Variants in HLCS observed in about 807,000 individuals in gnomAD.
HLCS encodes the protein holocarboxylase synthetase.
In HLCS, 53 loss-of-function variants were observed where a neutral mutation model predicts 75.0. That is an observed-to-expected ratio of 0.71 (90% confidence interval 0.57 to 0.89). The LOEUF is 0.89. Among genes scored for constraint, HLCS ranks in the 40% least tolerant of loss-of-function variants. The probability of loss-of-function intolerance (pLI) is 0.00; values close to 1 mark genes in which losing one functional copy is unlikely to be tolerated. For synonymous variants in HLCS, 431 were observed against 428.6 expected (o/e 1.01, Z -0.07); for missense variants, 966 against 1,074.0 (o/e 0.90, Z 1.41).
chr21:36,888,485 T>A (rs951962690), intron 6 of HLCS, among the ~76,000 whole-genome samples: 1 of 124,888 alleles, frequency 8.0e-6, no homozygotes, highest in African/African-American at 3.1e-5. Flanking sequence ...TATATATATA[T>A]ATATATATAT....
At chr21:36,979,490 A>AG (rs896544663) in intron 1 of HLCS, among the ~76,000 whole-genome samples, 12 of 152,142 alleles carry the variant, frequency 7.9e-5, no homozygotes, top group African/African-American at 7.2e-5. Flanking sequence ...AGTCTCCTAT[A>AG]GGGGGGTCCC....
chr21:36,910,750 T>G (rs1473010114), intron 5 of HLCS, among the ~76,000 whole-genome samples: 1 of 152,136 alleles, frequency 6.6e-6, no homozygotes, highest in Non-Finnish European at 1.5e-5. Context: ...TGGTCCCTTA[T>G]GCGGCAGCTT....
rs1001686105 is a variant in HLCS, at chr21:36,749,466, T to G, written c.*4780A>C. The stretch of plus-strand genomic sequence containing the variant: ...GAACTGACTTTTTTTTTTTTTTTTT[T>G]GCCAACCCTGTGTCACTTAGTGAGG... On this transcript the variant is annotated 3_prime_UTR_variant, in exon 11 of 11. Coordinates refer to ENST00000674895, the MANE Select transcript of HLCS (RefSeq NM_001352514.2). 44 of 136,562 alleles carry G rather than the reference T, an allele frequency of 3.2e-4. 2 individuals are homozygous for G. Among genetic ancestry groups the G allele is most frequent in the Admixed American group, 1.0e-3 (14 of 14,034 alleles). 8.5% of individuals were successfully genotyped at this position (136,562 alleles called of 1,614,324 possible).
rs371957349 is a variant in HLCS, at chr21:36,897,174, T to C, written c.1621-43A>G. Reference sequence around the variant, plus strand: ...AAATGAGATGGTCGTAATTTGGCATTACATTAGATCATGGTAGCTTTTCCT... The same window carrying C: ...AAATGAGATGGTCGTAATTTGGCATCACATTAGATCATGGTAGCTTTTCCT... On this transcript the variant is annotated intron_variant, in intron 5 of 10. Coordinates refer to ENST00000674895, the MANE Select transcript of HLCS (RefSeq NM_001352514.2). 6.5e-5 allele frequency: 104 copies of C among 1,607,888 alleles called. No homozygotes were observed. In the African/African-American group the frequency reaches 1.2e-3, roughly 19 times the overall value.
chr21:36,830,155 C>CA (rs2062151722), intron 6 of HLCS, among the ~76,000 whole-genome samples: 1 of 152,164 alleles, frequency 6.6e-6, no homozygotes, highest in South Asian at 2.1e-4. Flanking sequence ...ACAGCCTCTA[C>CA]AAGCCAGAGA....
intron 6 of HLCS, among the ~76,000 whole-genome samples, chr21:36,788,128 A>C (rs1415968141): frequency 1.3e-5 from 2 of 152,160 alleles, no homozygotes; most frequent in African/African-American, 4.8e-5. Context: ...TAGAGGTGGC[A>C]TTTTGTCTTC....
chr21:36,815,658 G>T (rs1268502965), intron 6 of HLCS, among the ~76,000 whole-genome samples: 1 of 152,172 alleles, frequency 6.6e-6, no homozygotes, highest in African/African-American at 2.4e-5. Flanking sequence ...AGTGAATTGA[G>T]ATTTCGGGAC....
intron 2 of HLCS, among the ~76,000 whole-genome samples, chr21:36,950,637 A>AT (rs11345329): frequency 1.9e-4 from 29 of 149,848 alleles, no homozygotes; most frequent in African/African-American, 5.2e-4. Flanking sequence ...GCCTGGCTAA[A>AT]TTTTTTTTTT....
intron 1 of HLCS, among the ~76,000 whole-genome samples, chr21:36,963,615 G>C (rs559214091): frequency 5.9e-5 from 9 of 152,238 alleles, no homozygotes; most frequent in African/African-American, 2.2e-4. Flanking sequence ...AGCCGGGCAT[G>C]GTGGTGCATG....
chr21:36,760,350 C>T (rs958008406), intron 8 of HLCS, among the ~76,000 whole-genome samples: 7 of 152,178 alleles, frequency 4.6e-5, no homozygotes, highest in African/African-American at 4.8e-5. Flanking sequence ...CTGGCTCACA[C>T]CTGTAATCCC....
intron 6 of HLCS, among the ~76,000 whole-genome samples, chr21:36,771,260 A>AT (rs1451219872): frequency 2.6e-4 from 40 of 152,044 alleles, no homozygotes; most frequent in Non-Finnish European, 5.1e-4. Context: ...AAAATAAAAT[A>AT]AAAAGAAACA....
At chr21:36,843,835 G>A (rs140623386) in intron 6 of HLCS, among the ~76,000 whole-genome samples, 105 of 152,112 alleles carry the variant, frequency 6.9e-4, no homozygotes, top group African/African-American at 2.2e-3. Flanking sequence ...GAGAGACCCC[G>A]TCACTATGAA....
At chr21:36,956,580 A>T (rs1005984694) in intron 2 of HLCS, among the ~76,000 whole-genome samples, 6 of 151,974 alleles carry the variant, frequency 3.9e-5, no homozygotes, top group African/African-American at 1.5e-4. Flanking sequence ...TACAAAAAAA[A>T]TTAGCCGGGT....
intron 8 of HLCS, among the ~76,000 whole-genome samples, chr21:36,760,407 G>C (rs977050552): frequency 1.3e-5 from 2 of 152,028 alleles, no homozygotes; most frequent in African/African-American, 2.4e-5. Flanking sequence ...TCAGGAGTTC[G>C]AGACCAGTCT....
intron 6 of HLCS, among the ~76,000 whole-genome samples, chr21:36,872,700 G>T (rs981356350): frequency 6.6e-6 from 1 of 152,156 alleles, no homozygotes; most frequent in African/African-American, 2.4e-5. Context: ...GTGTACCTTT[G>T]TATAAATATG....
At position 36,778,526 on chromosome 21, in the gene HLCS, G is replaced by A. The variant is rs181764583; in HGVS notation, c.1893-11241C>T. 1.8e-4 allele frequency among the ~76,000 whole-genome samples: 27 copies of A among 150,256 alleles called. 1 individual carries two copies. The East Asian group carries it at 4.7e-3, about 26-fold the overall frequency. Reference sequence around the variant, plus strand: ...ACTCCCGACCTCAGGCGATTCACCCGCCTCGGCCTCCCAAAGTGCTGAGAT... The same window carrying A: ...ACTCCCGACCTCAGGCGATTCACCCACCTCGGCCTCCCAAAGTGCTGAGAT... On this transcript the variant is annotated intron_variant, in intron 6 of 10. Coordinates refer to ENST00000674895, the MANE Select transcript of HLCS (RefSeq NM_001352514.2).
chr21:36,897,320 A>G (rs1477655125), intron 5 of HLCS, among the ~76,000 whole-genome samples, 189 bp from the exon 6 acceptor site: 1 of 152,220 alleles, frequency 6.6e-6, no homozygotes, highest in East Asian at 1.9e-4. Context: ...GTATACTTAT[A>G]CTATAAAATA....
intron 4 of HLCS, among the ~76,000 whole-genome samples, chr21:36,930,747 C>T (rs1197581766): frequency 6.6e-6 from 1 of 152,148 alleles, no homozygotes; most frequent in African/African-American, 2.4e-5. Context: ...GTATAACCCA[C>T]AAGAGAAAAC....
At chr21:36,806,568 A>T (rs1338014243) in intron 6 of HLCS, among the ~76,000 whole-genome samples, 1 of 152,186 alleles carries the variant, frequency 6.6e-6, no homozygotes, top group East Asian at 1.9e-4. Context: ...AGATGGAAAG[A>T]TGAAGAAATG....
Sources: gnomAD v4.1 joint callset for allele counts (sites outside exome capture counted in the v4.1 genomes callset) on GRCh38, gnomAD v4.1.1 for gene constraint, MANE v1.5 for transcripts, NCBI Gene and HGNC (gene_info 2026-07-23, HGNC 2026-07-21) for gene names.